FAM89A: variants seen among roughly 807,000 people sequenced by gnomAD.
FAM89A encodes the protein protein FAM89A.
Under a neutral mutation model 7.1 loss-of-function variants are expected in FAM89A, and 10 were observed. The ratio of observed to expected loss-of-function variants is 1.40; its 90% CI spans 0.86 to 2.38. The LOEUF (loss-of-function observed/expected upper bound fraction) is 2.38, where lower values mean the gene tolerates loss of function less well. Among genes scored for constraint, FAM89A ranks in the 30% most tolerant of loss-of-function variants. FAM89A has a pLI of 0.00. For synonymous variants in FAM89A, 157 were observed against 129.3 expected (o/e 1.21, Z -1.45); for missense variants, 276 against 262.8 (o/e 1.05, Z -0.35).
At chr1:231,020,190 A>G (rs1048564350) in intron 1 of FAM89A, 64 bp from the exon 2 acceptor site, 5 of 1,493,110 alleles carry the variant, frequency 3.3e-6, no homozygotes, top group African/African-American at 1.4e-5. Flanking sequence ...TTTCAGTGGA[A>G]CACTCAGCCG....
rs571822567 is a variant in FAM89A at position 231,024,138 on chromosome 1, A to T, written c.292-4012T>A. 7.9e-5 allele frequency among the ~76,000 whole-genome samples: 12 copies of T among 152,136 alleles called. No homozygotes were observed. In the South Asian group the frequency reaches 2.5e-3, roughly 32 times the overall value. ...TGTTACATTTAAACTACATCCATGGATATCAGTCTGCTTTGGACTCCTCTG... is the reference window on the plus strand; with the variant it reads ...TGTTACATTTAAACTACATCCATGGTTATCAGTCTGCTTTGGACTCCTCTG... On this transcript the variant is annotated intron_variant, in intron 1 of 1. Transcript: ENST00000366654.
At chr1:231,036,101 G>C (rs1324530714) in intron 1 of FAM89A, among the ~76,000 whole-genome samples, 3 of 152,216 alleles carry the variant, frequency 2.0e-5, no homozygotes, top group Non-Finnish European at 4.4e-5. Flanking sequence ...GAATACCTCA[G>C]TGGACTTCCT....
intron 1 of FAM89A, among the ~76,000 whole-genome samples, chr1:231,029,362 C>T (rs563281641): frequency 9.5e-4 from 144 of 151,962 alleles, no homozygotes; most frequent in South Asian, 6.5e-3. Flanking sequence ...TGTGGTGGTA[C>T]GTGCCTGTGG....
In FAM89A at chr1:231,040,187, C is replaced by G; in HGVS notation, c.25G>C (p.Gly9Arg). The change falls in exon 1 of 2, where the codon GGG becomes CGG. Residue 9 changes from glycine (G) to arginine (R), a missense_variant. Coordinates refer to ENST00000366654, the MANE Select transcript of FAM89A (RefSeq NM_198552.3). ...CGGACCGCGCCGTTGCCCGCGGCCCCGGGCGCCGCCCGGGCCCCACTCATC... is the reference window on the plus strand; with the variant it reads ...CGGACCGCGCCGTTGCCCGCGGCCCGGGGCGCCGCCCGGGCCCCACTCATC... MSGARAAPGAAGNGAVRGL... is the reference protein window; with the variant it reads MSGARAAPRAAGNGAVRGL... 8.9e-7 allele frequency: 1 copy of G among 1,118,390 alleles called. No homozygotes were observed. The highest frequency in any genetic ancestry group is 1.1e-6 in the Non-Finnish European group (1 of 918,576). The allele number at this position is 1,118,390 out of a possible 1,614,324, so 69.3% of individuals were successfully genotyped here.
Position 231,040,145 on chromosome 1 carries a change from C to T in FAM89A, c.67G>A (p.Gly23Arg), listed in dbSNP as rs746989013. The change falls in exon 1 of 2, where the codon GGG becomes AGG. Residue 23 changes from glycine to arginine, a missense_variant. By Grantham distance (125) the Gly-to-Arg change is moderately radical (BLOSUM62 -2). Coordinates refer to ENST00000366654, the MANE Select transcript of FAM89A (RefSeq NM_198552.3). ...AAGCTCTTTGGCAGCGGGGGCAGCC[C>T]GTCCACCCGCAGCCCCCGGACCGCG... Reference protein sequence around the residue: ...NGAVRGLRVDGLPPLPKSLSG... With the variant: ...NGAVRGLRVDRLPPLPKSLSG... 2 of 1,326,838 alleles carry T rather than the reference C, an allele frequency of 1.5e-6. No individual in the cohort carries two copies. Among genetic ancestry groups the T allele is most frequent in the Admixed American group, 2.8e-5 (1 of 36,358 alleles). The allele number at this position is 1,326,838 out of a possible 1,614,324, so 82.2% of individuals were successfully genotyped here.
rs150516703 is a variant in FAM89A, at chr1:231,034,771, TCA to T, written c.291+5148_291+5149del. Among the ~76,000 whole-genome samples the T allele has an allele frequency of 1.2e-3, 107 of 87,872 alleles. 2 individuals are homozygous for T. The highest frequency in any genetic ancestry group is 2.3e-3 in the Admixed American group (19 of 8,096). The allele number at this position is 87,872 out of a possible 152,430, so 57.6% of individuals were successfully genotyped here. On this transcript the variant is annotated intron_variant, in intron 1 of 1. Transcript: ENST00000366654. ...TGGGCAACAAGATAGAAACTCTGTC[TCA>T]AAAAAAAAAAAAAAAAAAAAAAGGC...
chr1:231,031,434 T>A (rs1214654087), intron 1 of FAM89A, among the ~76,000 whole-genome samples: 2 of 152,244 alleles, frequency 1.3e-5, no homozygotes, highest in South Asian at 4.1e-4. Context: ...TCTTGCACTT[T>A]GAATGGATCT....
At chr1:231,031,898 G>A (rs1680075055) in intron 1 of FAM89A, among the ~76,000 whole-genome samples, 1 of 152,172 alleles carries the variant, frequency 6.6e-6, no homozygotes, top group African/African-American at 2.4e-5. Flanking sequence ...CACTTGTGTG[G>A]ATGCTTCTGT....
rs1169494227 is a variant in FAM89A, at chr1:231,019,142, T to C, written c.*721A>G. On this transcript the variant is annotated 3_prime_UTR_variant, in exon 2 of 2. Coordinates refer to ENST00000366654, the MANE Select transcript of FAM89A (RefSeq NM_198552.3). The stretch of plus-strand genomic sequence containing the variant: ...ACATTTGCCATCTTACAGTGAGTGA[T>C]ACATCACATTGGCTTGCCCCAGTTT... The C allele has an allele frequency of 6.6e-6, 1 of 151,054 alleles. No homozygotes were observed. Among genetic ancestry groups the C allele is most frequent in the Non-Finnish European group, 1.5e-5 (1 of 67,942 alleles). 9.4% of individuals were successfully genotyped at this position (151,054 alleles called of 1,614,324 possible). A position where few individuals can be genotyped will look rare whatever the true frequency, so the allele number is the denominator to read the frequency against.
rs1005970697 is a variant in FAM89A at position 231,034,426 on chromosome 1, G to A, written c.291+5495C>T. Among the ~76,000 whole-genome samples the A allele has an allele frequency of 3.3e-5, 5 of 152,168 alleles. No homozygotes were observed. The South Asian group carries it at 8.3e-4, about 25-fold the overall frequency. ...CACATAGTTTATTAACACCAAATTC[G>A]AGCTTTTGATCCTTGATTCATGTGC... On this transcript the variant is annotated intron_variant, in intron 1 of 1. Transcript: ENST00000366654.
chr1:231,032,910 T>C (rs1332127500), intron 1 of FAM89A, among the ~76,000 whole-genome samples: 2 of 152,126 alleles, frequency 1.3e-5, no homozygotes, highest in African/African-American at 4.8e-5. Context: ...TCCCGAATCC[T>C]TGAGACTCAG....
intron 1 of FAM89A, among the ~76,000 whole-genome samples, chr1:231,038,656 G>C (rs1416981109): frequency 6.6e-6 from 1 of 152,202 alleles, no homozygotes; most frequent in Non-Finnish European, 1.5e-5. Flanking sequence ...AATCTTTTCA[G>C]TGAGAATTGG....
intron 1 of FAM89A, among the ~76,000 whole-genome samples, chr1:231,029,917 G>A (rs1370623242): frequency 6.6e-6 from 1 of 152,156 alleles, no homozygotes. Flanking sequence ...AGATCCAATC[G>A]ATTATAACCT....
chr1:231,035,967 T>C (rs978634634), intron 1 of FAM89A, among the ~76,000 whole-genome samples: 6 of 152,282 alleles, frequency 3.9e-5, no homozygotes, highest in South Asian at 2.1e-4. Context: ...GCTAGGCCAA[T>C]TGGCATCCTT....
intron 1 of FAM89A, among the ~76,000 whole-genome samples, chr1:231,023,854 C>T (rs1234738589): frequency 4.6e-5 from 7 of 152,154 alleles, no homozygotes; most frequent in Admixed American, 4.6e-4. Context: ...TCACAATGCC[C>T]AGACTTGGAG....
chr1:231,033,410 G>A (rs138495503), intron 1 of FAM89A, among the ~76,000 whole-genome samples: 1 of 152,322 alleles, frequency 6.6e-6, no homozygotes, highest in Non-Finnish European at 1.5e-5. Flanking sequence ...GCGAAACTGC[G>A]AAACTTCCAT....
intron 1 of FAM89A, among the ~76,000 whole-genome samples, chr1:231,030,029 G>C (rs1314591048): frequency 6.6e-6 from 1 of 152,236 alleles, no homozygotes; most frequent in East Asian, 1.9e-4. Context: ...TTGGAGACGG[G>C]CTATGAGCCC....
At chr1:231,036,112 G>A (rs1479278664) in intron 1 of FAM89A, among the ~76,000 whole-genome samples, 1 of 152,156 alleles carries the variant, frequency 6.6e-6, no homozygotes, top group African/African-American at 2.4e-5. Flanking sequence ...TGGACTTCCT[G>A]GATTCCCCAT....
intron 1 of FAM89A, among the ~76,000 whole-genome samples, chr1:231,034,629 G>A (rs894138088): frequency 2.1e-4 from 32 of 152,090 alleles, no homozygotes; most frequent in Admixed American, 4.6e-4. Context: ...AAAAAGAGCC[G>A]GGCATGGTGG....
Sources: allele counts gnomAD v4.1 joint callset (sites outside exome capture counted in the v4.1 genomes callset), GRCh38; gene constraint gnomAD v4.1.1; transcripts MANE v1.5; gene names NCBI Gene and HGNC (gene_info 2026-07-23, HGNC 2026-07-21).